The following AIMP1 variants were observed in gnomAD, a reference collection of about 807,000 sequenced individuals.
AIMP1 encodes the protein aminoacyl tRNA synthase complex-interacting multifunctional protein 1.
Under a neutral mutation model 33.1 loss-of-function variants are expected in AIMP1, and 24 were observed. That is an observed-to-expected ratio of 0.73 (90% confidence interval 0.53 to 1.02). The LOEUF is 1.02. Ranked by LOEUF, AIMP1 falls within the 50% of genes least tolerant of loss-of-function variation. The pLI is 0.00. For synonymous variants in AIMP1, 120 were observed against 121.5 expected, an observed-to-expected ratio of 0.99 and a Z score of 0.08; for missense variants, 367 against 364.8, an observed-to-expected ratio of 1.01 and a Z score of -0.05.
intron 6 of AIMP1, among the ~76,000 whole-genome samples, chr4:106,341,103 T>C (rs1341489916): frequency 6.6e-6 from 1 of 152,156 alleles, no homozygotes; most frequent in East Asian, 1.9e-4. Context: ...AATGGAGTTA[T>C]TTGTTTTTTG....
chr4:106,339,689 G>C (rs1166925637), intron 6 of AIMP1, among the ~76,000 whole-genome samples: 1 of 152,194 alleles, frequency 6.6e-6, no homozygotes, highest in Non-Finnish European at 1.5e-5. Context: ...CAGCGTAGCA[G>C]AAAAGTATGA....
At chr4:106,341,698 A>G (rs1184402085) in intron 6 of AIMP1, among the ~76,000 whole-genome samples, 4 of 152,042 alleles carry the variant, frequency 2.6e-5, no homozygotes, top group Admixed American at 2.6e-4. Context: ...GTAGCCTTGT[A>G]GTATAGTTTG....
chr4:106,336,757 C>T (rs1769900656), intron 5 of AIMP1, 112 bp from the exon 6 acceptor site: 1 of 1,064,776 alleles, frequency 9.4e-7, no homozygotes, highest in South Asian at 1.3e-5. Context: ...AAGGTACATC[C>T]ACAAAAGTAG....
intron 2 of AIMP1, among the ~76,000 whole-genome samples, chr4:106,325,454 A>G (rs1313956854): frequency 2.6e-5 from 4 of 151,956 alleles, no homozygotes; most frequent in Non-Finnish European, 5.9e-5. Context: ...ATTTTTTTCT[A>G]ATTTTAACAT....
rs565671177 is a variant in AIMP1, at chr4:106,316,669, G to A, written c.-26+75G>A. On this transcript the variant is annotated intron_variant, in intron 1 of 6. Coordinates refer to ENST00000672341, the MANE Select transcript of AIMP1 (RefSeq NM_001142416.2). The stretch of plus-strand genomic sequence containing the variant: ...CGTAGGGGTCTTCCTTCTCTAACTT[G>A]CCTCCAGGAGAGAGGACCTGGCCTG... 1.0e-5 allele frequency: 15 copies of A among 1,460,308 alleles called. No individual in the cohort carries two copies. In the South Asian group the frequency reaches 1.5e-4, roughly 15 times the overall value. The allele number at this position is 1,460,308 out of a possible 1,614,324, so 90.5% of individuals were successfully genotyped here. A position where few individuals can be genotyped will look rare whatever the true frequency, so the allele number is the denominator to read the frequency against.
intron 5 of AIMP1, among the ~76,000 whole-genome samples, chr4:106,335,613 T>C (rs1490481332): frequency 6.6e-6 from 1 of 152,040 alleles, no homozygotes; most frequent in Non-Finnish European, 1.5e-5. Flanking sequence ...CTTAAACACT[T>C]TTGCTGTAAC....
chr4:106,340,935 G>A (rs1681018377), intron 6 of AIMP1, among the ~76,000 whole-genome samples: 1 of 151,916 alleles, frequency 6.6e-6, no homozygotes, highest in Non-Finnish European at 1.5e-5. Flanking sequence ...TCTTATTTTT[G>A]TTTTTTGTCT....
Position 106,331,673 on chromosome 4 carries a change from A to T in AIMP1, c.393A>T (p.Gly131=), listed in dbSNP as rs1381285346. The T allele has an allele frequency of 6.2e-7, 1 of 1,613,758 alleles. No individual in the cohort carries two copies. The change falls in exon 5 of 7, where the codon GGA becomes GGT. Residue 131 remains glycine (G), a splice_region_variant and synonymous_variant. Coordinates refer to ENST00000672341, the MANE Select transcript of AIMP1 (RefSeq NM_001142416.2). The stretch of plus-strand genomic sequence containing the variant: ...TACCCATTCATAAATACTTTTTAGG[A>T]GAGAAGAAGGAGAAAAAACAGCAAT... ...KKAKEKIEKK[G]EKKEKKQQSI...
Position 106,349,233 on chromosome 4 carries a change from G to A in AIMP1, c.*1541G>A, listed in dbSNP as rs915522264. 4.6e-5 allele frequency: 7 copies of A among 151,768 alleles called. No individual in the cohort carries two copies. The highest frequency in any genetic ancestry group is 1.7e-4 in the African/African-American group (7 of 41,352). The allele number at this position is 151,768 out of a possible 1,614,324, so 9.4% of individuals were successfully genotyped here. On this transcript the variant is annotated 3_prime_UTR_variant, in exon 7 of 7. Coordinates refer to ENST00000672341, the MANE Select transcript of AIMP1 (RefSeq NM_001142416.2). ...AATACTTCTGGTGACAAAGTCTTTTGTGAGTTTTTTGCTCTAATTTTTCTC... is the reference window on the plus strand; with the variant it reads ...AATACTTCTGGTGACAAAGTCTTTTATGAGTTTTTTGCTCTAATTTTTCTC...
chr4:106,319,487 A>G (rs1247165831), intron 1 of AIMP1, among the ~76,000 whole-genome samples: 4 of 152,204 alleles, frequency 2.6e-5, no homozygotes, highest in African/African-American at 9.6e-5. Flanking sequence ...ATTAACATTG[A>G]GAAGGACAAA....
At chr4:106,331,303 A>G (rs1168629663) in intron 4 of AIMP1, among the ~76,000 whole-genome samples, 2 of 152,184 alleles carry the variant, frequency 1.3e-5, no homozygotes, top group East Asian at 1.9e-4. Flanking sequence ...CCTTTGTCAC[A>G]ACTACTCAAC....
chr4:106,324,261 C>G (rs1769377356), intron 1 of AIMP1, among the ~76,000 whole-genome samples: 1 of 151,934 alleles, frequency 6.6e-6, no homozygotes, highest in African/African-American at 2.4e-5. Flanking sequence ...CATAGTATTA[C>G]TAATGATTAA....
At chr4:106,339,239 T>C (rs1203007066) in intron 6 of AIMP1, among the ~76,000 whole-genome samples, 9 of 152,130 alleles carry the variant, frequency 5.9e-5, no homozygotes, top group Non-Finnish European at 1.0e-4. Flanking sequence ...GGTTTTGAAA[T>C]GTGAGGACAT....
intron 4 of AIMP1, among the ~76,000 whole-genome samples, chr4:106,329,770 A>ATTT (rs1769597727): frequency 1.1e-5 from 1 of 88,334 alleles, no homozygotes; most frequent in Admixed American, 1.4e-4. Flanking sequence ...ACTGCTACAT[A>ATTT]TCTTTTTTTT....
intron 4 of AIMP1, among the ~76,000 whole-genome samples, chr4:106,329,634 G>C (rs905680267): frequency 6.6e-6 from 1 of 151,996 alleles, no homozygotes; most frequent in Non-Finnish European, 1.5e-5. Context: ...AATAACCTAT[G>C]TGGCTGGCAG....
intron 6 of AIMP1, among the ~76,000 whole-genome samples, chr4:106,341,906 G>A (rs1770112818): frequency 6.6e-6 from 1 of 152,098 alleles, no homozygotes; most frequent in Admixed American, 6.6e-5. Context: ...TAACAATACT[G>A]ATTTTTCCAA....
chr4:106,319,657 C>G (rs1443677379), intron 1 of AIMP1, among the ~76,000 whole-genome samples: 2 of 152,192 alleles, frequency 1.3e-5, no homozygotes, highest in African/African-American at 4.8e-5. Flanking sequence ...CTGTGCTTCT[C>G]TCTTCATAAA....
chr4:106,342,857 T>A lies in AIMP1; in HGVS notation c.773-4669T>A, dbSNP rs569964291. Among the ~76,000 whole-genome samples the A allele has an allele frequency of 2.1e-4, 32 of 152,094 alleles. No homozygotes were observed. In the South Asian group the frequency reaches 3.9e-3, roughly 19 times the overall value. ...TAGTCTCAGTAGGATTGGTACCAGTTCTTTGTACATCTGGTAGAATTCAGC... is the reference window on the plus strand; with the variant it reads ...TAGTCTCAGTAGGATTGGTACCAGTACTTTGTACATCTGGTAGAATTCAGC... On this transcript the variant is annotated intron_variant, in intron 6 of 6. Transcript: ENST00000672341.
chr4:106,320,640 C>A (rs1293917692), intron 1 of AIMP1, among the ~76,000 whole-genome samples: 1 of 150,820 alleles, frequency 6.6e-6, no homozygotes, highest in Non-Finnish European at 1.5e-5. Flanking sequence ...TGAAGAACAG[C>A]ATCATTAATG....
Sources: allele counts gnomAD v4.1 joint callset (sites outside exome capture counted in the v4.1 genomes callset), GRCh38; gene constraint gnomAD v4.1.1; transcripts MANE v1.5; gene names NCBI Gene and HGNC (gene_info 2026-07-23, HGNC 2026-07-21).